SPATA17: variants seen among roughly 807,000 people sequenced by gnomAD.
The protein encoded by SPATA17 is spermatogenesis associated 17.
SPATA17 carries 53 observed loss-of-function variants against 62.2 expected under a neutral mutation model. The observed-to-expected ratio is 0.85, with a 90% CI of 0.68 to 1.07. The LOEUF is 1.07. Ranked by LOEUF, SPATA17 falls within the 50% of genes least tolerant of loss-of-function variation. SPATA17 has a pLI of 0.00. For missense variants in SPATA17, 466 were observed against 425.5 expected, an observed-to-expected ratio of 1.10 and a Z score of -0.84; for synonymous variants, 146 against 146.8, an observed-to-expected ratio of 0.99 and a Z score of 0.04.
intron 7 of SPATA17, 33 bp downstream of exon 7, chr1:217,774,570 A>C (rs1295987487): frequency 6.3e-7 from 1 of 1,583,744 alleles, no homozygotes; most frequent in African/African-American, 1.4e-5. Flanking sequence ...TTCTGTCATT[A>C]ATTTTATTCT....
intron 6 of SPATA17, among the ~76,000 whole-genome samples, chr1:217,762,574 A>G (rs1673196040): frequency 6.6e-6 from 1 of 152,136 alleles, no homozygotes; most frequent in South Asian, 2.1e-4. Flanking sequence ...CTGTGGTTTT[A>G]TATCAGTTAT....
chr1:217,765,567 C>G (rs1395723941), intron 6 of SPATA17, among the ~76,000 whole-genome samples: 1 of 151,728 alleles, frequency 6.6e-6, no homozygotes, highest in Non-Finnish European at 1.5e-5. Context: ...TTTGGGAGGT[C>G]TCCAGTTTTC....
chr1:217,838,505 A>T (rs1361736713), intron 9 of SPATA17, among the ~76,000 whole-genome samples: 1 of 152,076 alleles, frequency 6.6e-6, no homozygotes, highest in Non-Finnish European at 1.5e-5. Context: ...TTTTTCTTTT[A>T]AAAATATTTT....
intron 2 of SPATA17, among the ~76,000 whole-genome samples, chr1:217,650,414 CTCTT>C (rs1330443180): frequency 2.6e-5 from 4 of 151,970 alleles, no homozygotes; most frequent in Admixed American, 1.3e-4. Flanking sequence ...CTCTCTTTCT[CTCTT>C]TCTCTCTCTT....
intron 8 of SPATA17, among the ~76,000 whole-genome samples, chr1:217,783,129 T>C (rs142818326): frequency 6.6e-6 from 1 of 150,800 alleles, no homozygotes; most frequent in East Asian, 1.9e-4. Flanking sequence ...AAAATTATAA[T>C]CATTTATTGC....
At chr1:217,773,395 G>A (rs574951747) in intron 6 of SPATA17, among the ~76,000 whole-genome samples, 1 of 152,064 alleles carries the variant, frequency 6.6e-6, no homozygotes, top group East Asian at 1.9e-4. Flanking sequence ...ATGCATTTGT[G>A]TATGATATTT....
At chr1:217,806,330 G>A (rs1004998068) in intron 9 of SPATA17, among the ~76,000 whole-genome samples, 1 of 152,132 alleles carries the variant, frequency 6.6e-6, no homozygotes, top group African/African-American at 2.4e-5. Flanking sequence ...CTGCCCTAGA[G>A]GAACTGAACA....
chr1:217,740,878 T>C (rs183536989), intron 5 of SPATA17, among the ~76,000 whole-genome samples: 298 of 152,364 alleles, frequency 2.0e-3, no homozygotes, highest in Non-Finnish European at 2.9e-3. Flanking sequence ...TAATCTTACG[T>C]TGAAAAAAAT....
intron 9 of SPATA17, among the ~76,000 whole-genome samples, chr1:217,839,571 G>C (rs1392717919): frequency 2.0e-5 from 3 of 151,954 alleles, no homozygotes; most frequent in African/African-American, 4.8e-5. Flanking sequence ...GCAAACTCTA[G>C]TTTATAAAAA....
At chr1:217,776,171 C>T (rs541422305) in intron 7 of SPATA17, among the ~76,000 whole-genome samples, 1 of 152,184 alleles carries the variant, frequency 6.6e-6, no homozygotes, top group Non-Finnish European at 1.5e-5. Context: ...GATTGTAGTA[C>T]AACAGGTTTG....
chr1:217,683,356 A>C lies in SPATA17; in HGVS notation c.390A>C (p.Ala130=). The change falls in exon 5 of 11, where the codon GCA becomes GCC. Residue 130 remains alanine (A), a synonymous_variant. Coordinates refer to ENST00000366933, the MANE Select transcript of SPATA17 (RefSeq NM_138796.4). The part of the protein sequence containing the change: ...YLKVVSETND[A]IRKALEEFAE... Reference sequence around the variant, plus strand: ...AAGTCGTTTCAGAGACCAATGATGCAATTAGGTAAGTAGTGCAATCATCCA... The same window carrying C: ...AAGTCGTTTCAGAGACCAATGATGCCATTAGGTAAGTAGTGCAATCATCCA... The C allele has an allele frequency of 1.3e-6, 2 of 1,594,012 alleles. No individual in the cohort carries two copies. Among genetic ancestry groups the C allele is most frequent in the Non-Finnish European group, 1.7e-6 (2 of 1,163,396 alleles).
intron 9 of SPATA17, among the ~76,000 whole-genome samples, chr1:217,824,953 G>T (rs1674954081): frequency 6.7e-6 from 1 of 150,328 alleles, no homozygotes; most frequent in South Asian, 2.1e-4. Flanking sequence ...ATATGCATAT[G>T]TATAAAATAC....
chr1:217,742,960 A>G (rs1380010923), intron 6 of SPATA17, among the ~76,000 whole-genome samples: 2 of 150,858 alleles, frequency 1.3e-5, no homozygotes, highest in African/African-American at 4.9e-5. Flanking sequence ...ATATATATAT[A>G]TATATATATT....
intron 9 of SPATA17, among the ~76,000 whole-genome samples, chr1:217,815,435 C>T (rs970820624): frequency 6.6e-5 from 10 of 152,050 alleles, no homozygotes; most frequent in Admixed American, 2.6e-4. Context: ...TTAGCAGCAG[C>T]GTGTTTTGGG....
At chr1:217,835,181 T>C (rs1675232986) in intron 9 of SPATA17, among the ~76,000 whole-genome samples, 1 of 152,210 alleles carries the variant, frequency 6.6e-6, no homozygotes. Flanking sequence ...CATGTGACTA[T>C]ATGAGTTTTC....
chr1:217,815,138 G>T (rs1338868088), intron 9 of SPATA17, among the ~76,000 whole-genome samples: 1 of 152,104 alleles, frequency 6.6e-6, no homozygotes, highest in East Asian at 1.9e-4. Flanking sequence ...TATTGCTTAA[G>T]TATCTTTCTG....
At chr1:217,783,984 A>G (rs1359083168) in intron 8 of SPATA17, among the ~76,000 whole-genome samples, 1 of 152,096 alleles carries the variant, frequency 6.6e-6, no homozygotes, top group Non-Finnish European at 1.5e-5. Context: ...GCAGATGCTA[A>G]AAAAAATTTC....
At chr1:217,776,230 T>A (rs1673585818) in intron 7 of SPATA17, among the ~76,000 whole-genome samples, 1 of 152,114 alleles carries the variant, frequency 6.6e-6, no homozygotes, top group South Asian at 2.1e-4. Context: ...GGGTGAATGA[T>A]GATTGTCACC....
intron 6 of SPATA17, among the ~76,000 whole-genome samples, chr1:217,753,356 C>T (rs1013217570): frequency 7.6e-4 from 115 of 152,210 alleles, no homozygotes; most frequent in African/African-American, 2.7e-3. Flanking sequence ...ACATAATCAT[C>T]GGCACACCAG....
Sources: allele counts gnomAD v4.1 joint callset (sites outside exome capture counted in the v4.1 genomes callset), GRCh38; gene constraint gnomAD v4.1.1; transcripts MANE v1.5; gene names NCBI Gene and HGNC (gene_info 2026-07-23, HGNC 2026-07-21).